LRRC56: variants seen among roughly 807,000 people sequenced by gnomAD.
LRRC56 encodes leucine-rich repeat-containing protein 56.
In LRRC56, 41 loss-of-function variants were observed where a neutral mutation model predicts 47.8. The observed-to-expected ratio is 0.86, with a 90% CI of 0.67 to 1.11. The LOEUF (loss-of-function observed/expected upper bound fraction) is 1.11, where lower values mean the gene tolerates loss of function less well. Ranked by LOEUF, LRRC56 falls within the 50% of genes most tolerant of loss-of-function variation. The pLI is 0.00. For missense variants in LRRC56, 759 were observed against 704.2 expected, an observed-to-expected ratio of 1.08 and a Z score of -0.88; for synonymous variants, 387 against 311.2, an observed-to-expected ratio of 1.24 and a Z score of -2.56.
chr11:537,191 C>G (rs1294545046), upstream of LRRC56: 1 of 152,288 alleles, frequency 6.6e-6, no homozygotes, highest in Non-Finnish European at 1.5e-5. Context: ...CTTTACCCGC[C>G]CCGCGTGGGA....
At chr11:553,023 C>T (rs1234214546) in intron 13 of LRRC56, among the ~76,000 whole-genome samples, 1 of 152,166 alleles carries the variant, frequency 6.6e-6, no homozygotes, top group East Asian at 1.9e-4. Context: ...GGAGCCACCC[C>T]AGGGCACCAG....
chr11:531,762 G>C, the LRRC56 span, among the ~76,000 whole-genome samples: 1 of 152,232 alleles, frequency 6.6e-6, no homozygotes, highest in Non-Finnish European at 1.5e-5. Context: ...CTACTTCCAA[G>C]GTCCACAGAC....
upstream of LRRC56, among the ~76,000 whole-genome samples, chr11:536,192 T>C (rs1851486130): frequency 6.6e-6 from 1 of 152,228 alleles, no homozygotes; most frequent in Non-Finnish European, 1.5e-5. Flanking sequence ...CGCAGCCGTG[T>C]GCCCTGGGGC....
chr11:519,057 G>T, the LRRC56 span, among the ~76,000 whole-genome samples: 1 of 152,206 alleles, frequency 6.6e-6, no homozygotes, highest in Non-Finnish European at 1.5e-5. Flanking sequence ...CCGTGTGTCC[G>T]CTGTGCAAAC....
At position 552,615 on chromosome 11, in the gene LRRC56, G is replaced by T. The variant is rs907056824; in HGVS notation, c.1228G>T (p.Ala410Ser). Residue 410 changes from alanine to serine, a missense_variant, in exon 13 of 14, where the codon GCC becomes TCC. By Grantham distance (99) the Ala-to-Ser change is moderately conservative. Coordinates refer to ENST00000270115, the MANE Select transcript of LRRC56 (RefSeq NM_198075.4). The stretch of plus-strand genomic sequence containing the variant: ...GGAGTCCCAACAGGAAGGGGCTGTA[G>T]CCCCCTGGGGCCCACGGAGGGTCCC... Reference protein sequence around the residue: ...HPESQQEGAVAPWGPRRVPEE... With the variant: ...HPESQQEGAVSPWGPRRVPEE... The T allele has an allele frequency of 6.2e-7, 1 of 1,609,808 alleles. No homozygotes were observed. The highest frequency in any genetic ancestry group is 8.5e-7 in the Non-Finnish European group (1 of 1,178,212).
chr11:540,907 G>T (rs368843707), intron 4 of LRRC56, 46 bp downstream of exon 4: 33 of 1,431,300 alleles, frequency 2.3e-5, no homozygotes, highest in Non-Finnish European at 3.0e-5. Flanking sequence ...CCTCCGTGGG[G>T]TGACATCCCA....
intron 9 of LRRC56, 21 bp from the exon 10 acceptor site, chr11:551,630 C>T: frequency 6.5e-7 from 1 of 1,535,644 alleles, no homozygotes; most frequent in East Asian, 2.3e-5. Flanking sequence ...TTGGTGACCT[C>T]TGCTTCTGAA....
chr11:540,872 G>T lies in LRRC56; in HGVS notation c.177+11G>T. ...TCCCCTGCCCGGCTGGTGAGTGTGGGCGCTGGGGGCTGTGGCCACAGAGGC... is the reference window on the plus strand; with the variant it reads ...TCCCCTGCCCGGCTGGTGAGTGTGGTCGCTGGGGGCTGTGGCCACAGAGGC... On this transcript the variant is annotated intron_variant, in intron 4 of 13. Coordinates refer to ENST00000270115, the MANE Select transcript of LRRC56 (RefSeq NM_198075.4). The T allele has an allele frequency of 6.5e-7, 1 of 1,532,878 alleles. No individual in the cohort carries two copies. Among genetic ancestry groups the T allele is most frequent in the Non-Finnish European group, 8.8e-7 (1 of 1,136,362 alleles). The allele number at this position is 1,532,878 out of a possible 1,614,324, so 95.0% of individuals were successfully genotyped here.
the LRRC56 span, among the ~76,000 whole-genome samples, chr11:508,010 A>AC: frequency 6.6e-6 from 1 of 152,204 alleles, no homozygotes; most frequent in Non-Finnish European, 1.5e-5. Context: ...ACGCAAAGCG[A>AC]CCCCACCTCC....
At chr11:533,883 G>A (rs121917758), upstream of LRRC56, 1 of 1,613,288 alleles carries the variant, frequency 6.2e-7, no homozygotes, top group Middle Eastern at 1.6e-4. Flanking sequence ...CTGGCCGGCG[G>A]TATCCAGGAT....
chr11:517,620 A>C, the LRRC56 span, among the ~76,000 whole-genome samples: 3 of 151,726 alleles, frequency 2.0e-5, no homozygotes. Flanking sequence ...GGAGGTGAGG[A>C]GTGCCTCTGC....
At chr11:549,736 CTG>C in intron 6 of LRRC56, among the ~76,000 whole-genome samples, 164 bp from the exon 7 acceptor site, 1 of 152,388 alleles carries the variant, frequency 6.6e-6, no homozygotes, top group African/African-American at 2.4e-5. Context: ...GTGGGGGACA[CTG>C]TACCCACACC....
upstream of LRRC56, chr11:534,151 G>A: frequency 7.3e-7 from 1 of 1,375,290 alleles, no homozygotes; most frequent in Non-Finnish European, 1.0e-6. Context: ...GCCCTATCCT[G>A]GCTGTGTCCT....
chr11:524,295 G>T, the LRRC56 span, among the ~76,000 whole-genome samples: 1 of 152,118 alleles, frequency 6.6e-6, no homozygotes, highest in Non-Finnish European at 1.5e-5. Flanking sequence ...CACAAATATG[G>T]CTCATGGATT....
upstream of LRRC56, chr11:534,137 G>C (rs1228359974): frequency 3.1e-6 from 4 of 1,302,496 alleles, no homozygotes; most frequent in Non-Finnish European, 1.1e-6. Flanking sequence ...AGGGGCTGCA[G>C]CCAGCCCTAT....
At chr11:528,448 G>A in the LRRC56 span, 1 of 152,184 alleles carries the variant, frequency 6.6e-6, no homozygotes, top group Non-Finnish European at 1.5e-5. Context: ...AGGCAGGGGG[G>A]CTTGTCCGCA....
chr11:520,976 C>A, the LRRC56 span, among the ~76,000 whole-genome samples: 40 of 152,350 alleles, frequency 2.6e-4, no homozygotes, highest in Middle Eastern at 3.4e-3. Context: ...GTTGACTACT[C>A]CGCTGCCTGA....
intron 13 of LRRC56, among the ~76,000 whole-genome samples, chr11:553,304 G>A (rs890149379): frequency 5.3e-5 from 8 of 152,136 alleles, no homozygotes; most frequent in African/African-American, 1.9e-4. Flanking sequence ...TGTAAGCAGG[G>A]GCGACCCCAC....
the LRRC56 span, chr11:507,326 G>C: frequency 6.6e-6 from 1 of 151,524 alleles, no homozygotes; most frequent in East Asian, 1.9e-4. Context: ...GGCGGGAGTA[G>C]TCTCGGGGTC....
Sources: allele counts gnomAD v4.1 joint callset (sites outside exome capture counted in the v4.1 genomes callset), GRCh38; gene constraint gnomAD v4.1.1; transcripts MANE v1.5; gene names NCBI Gene and HGNC (gene_info 2026-07-23, HGNC 2026-07-21).